The following CFAP77 variants were observed in gnomAD, a reference collection of about 807,000 sequenced individuals.
CFAP77 encodes cilia- and flagella-associated protein 77.
CFAP77 carries 25 observed loss-of-function variants against 31.1 expected under a neutral mutation model. The observed-to-expected ratio is 0.80, with a 90% CI of 0.59 to 1.12. The LOEUF (loss-of-function observed/expected upper bound fraction) is 1.12, where lower values mean the gene tolerates loss of function less well. Ranked by LOEUF, CFAP77 falls within the 50% of genes most tolerant of loss-of-function variation. CFAP77 has a pLI of 0.00. For synonymous variants in CFAP77, 151 were observed against 159.9 expected (o/e 0.94, Z 0.42); for missense variants, 377 against 397.3 (o/e 0.95, Z 0.44).
At chr9:132,459,704 GTA>G (rs1440337768) in intron 1 of CFAP77, among the ~76,000 whole-genome samples, 9 of 151,284 alleles carry the variant, frequency 5.9e-5, no homozygotes, top group Admixed American at 4.6e-4. Context: ...ATGTGTTTGT[GTA>G]TGTGTGTTTA....
chr9:132,489,985 C>T (rs776689057), intron 1 of CFAP77, among the ~76,000 whole-genome samples: 1 of 152,246 alleles, frequency 6.6e-6, no homozygotes, highest in African/African-American at 2.4e-5. Context: ...TGTTTCTCAG[C>T]GTTCTAGGGG....
rs113807669 is a variant in CFAP77 at position 132,455,520 on chromosome 9, A to C, written c.196-43175A>C. Among the ~76,000 whole-genome samples the C allele has an allele frequency of 0.055, 8,320 of 151,372 alleles. 757 individuals are homozygous for C. Among genetic ancestry groups the C allele is most frequent in the African/African-American group, 0.19 (7,628 of 40,988 alleles). On this transcript the variant is annotated intron_variant, in intron 1 of 5. Transcript: ENST00000393216. The surrounding 1 kb of genome is among the most constrained non-coding windows in gnomAD (Gnocchi z 4.1). ...GAGACTCCTGAAAAAAAAAAACAAA[A>C]AAACTTCGAGACCAGCCTGGGCAAC...
intron 1 of CFAP77, among the ~76,000 whole-genome samples, chr9:132,425,755 G>A (rs1850302879): frequency 6.6e-6 from 1 of 152,102 alleles, no homozygotes; most frequent in South Asian, 2.1e-4. Flanking sequence ...TACATGATAT[G>A]GGTACAGATC....
chr9:132,540,264 G>A (rs991074126), intron 4 of CFAP77, among the ~76,000 whole-genome samples: 2 of 152,088 alleles, frequency 1.3e-5, no homozygotes, highest in South Asian at 2.1e-4. Flanking sequence ...GGTATTTCAC[G>A]CATCCCAGAG....
intron 1 of CFAP77, among the ~76,000 whole-genome samples, chr9:132,417,752 T>C (rs1850129981): frequency 6.6e-6 from 1 of 152,254 alleles, no homozygotes; most frequent in African/African-American, 2.4e-5. Flanking sequence ...TTATTTTCCA[T>C]TATCCCGAGT....
At chr9:132,548,883 AAC>A (rs1159805043) in intron 5 of CFAP77, among the ~76,000 whole-genome samples, 1 of 152,206 alleles carries the variant, frequency 6.6e-6, no homozygotes, top group Non-Finnish European at 1.5e-5. Flanking sequence ...CTATTAAGCT[AAC>A]AGTTTGATTT....
chr9:132,415,350 T>C (rs1850077493), intron 1 of CFAP77, among the ~76,000 whole-genome samples: 1 of 151,980 alleles, frequency 6.6e-6, no homozygotes, highest in Non-Finnish European at 1.5e-5. Context: ...TGAGTCGGGC[T>C]GAGGCAGGAA....
chr9:132,536,835 G>A (rs372732802), intron 3 of CFAP77, among the ~76,000 whole-genome samples: 23 of 152,134 alleles, frequency 1.5e-4, no homozygotes, highest in East Asian at 7.7e-4. Flanking sequence ...TCTGCCTTGC[G>A]GTGCTTCCCG....
chr9:132,519,520 GTAGATGGATGGATGGA>G (rs1852217890), intron 3 of CFAP77, among the ~76,000 whole-genome samples: 12 of 64,842 alleles, frequency 1.9e-4, no homozygotes, highest in Middle Eastern at 0.013. Context: ...GGGTGGGTGG[GTAGATGGATGGATGGA>G]TGGGTGGGTA....
In CFAP77 at chr9:132,410,367, G is replaced by C; in HGVS notation, c.96G>C (p.Pro32=). 1 of 1,599,322 alleles carries C rather than the reference G, an allele frequency of 6.3e-7. No homozygotes were observed. The highest frequency in any genetic ancestry group is 8.5e-7 in the Non-Finnish European group (1 of 1,174,342). Residue 32 remains proline, a synonymous_variant, in exon 1 of 6, where the codon CCG becomes CCC. Transcript: ENST00000393216. The part of the protein sequence containing the change: ...RRTVSQVCPP[P]RRPLTVADIR... ...CGGTCAGCCAGGTCTGCCCGCCCCC[G>C]CGGCGGCCCCTGACCGTGGCGGACA... is the stretch of plus-strand genomic sequence containing the variant.
intron 1 of CFAP77, among the ~76,000 whole-genome samples, chr9:132,451,831 G>A (rs1216626192): frequency 1.3e-5 from 2 of 148,814 alleles, no homozygotes; most frequent in African/African-American, 2.5e-5. Flanking sequence ...TCCAGAAGGA[G>A]TCTCACTCTG....
At chr9:132,441,844 A>G (rs1850620373) in intron 1 of CFAP77, among the ~76,000 whole-genome samples, 1 of 152,232 alleles carries the variant, frequency 6.6e-6, no homozygotes, top group Admixed American at 6.5e-5. Context: ...CAGCGTCCAC[A>G]GCCCTGGGCA....
chr9:132,463,587 G>A lies in CFAP77; in HGVS notation c.196-35108G>A, dbSNP rs141246057. On this transcript the variant is annotated intron_variant, in intron 1 of 5. Transcript: ENST00000393216. ...ACAGTAGAGGAGGGAGCCTGGCCCC[G>A]GTGGAAGACCCCCAGTGATACAGCA... 8.4e-3 allele frequency among the ~76,000 whole-genome samples: 1,273 copies of A among 152,248 alleles called. 20 individuals are homozygous for A. The highest frequency in any genetic ancestry group is 0.029 in the African/African-American group (1,198 of 41,538).
At chr9:132,555,584 T>G (rs937515112) in intron 5 of CFAP77, among the ~76,000 whole-genome samples, 2 of 152,096 alleles carry the variant, frequency 1.3e-5, no homozygotes, top group East Asian at 3.9e-4. Context: ...GAGAAAGTAA[T>G]TAAGGAATCC....
chr9:132,448,102 T>C (rs907322771), intron 1 of CFAP77, among the ~76,000 whole-genome samples: 2 of 151,988 alleles, frequency 1.3e-5, no homozygotes, highest in African/African-American at 4.8e-5. Flanking sequence ...TAATTTAGCT[T>C]TTTCGTTTAA....
At chr9:132,522,679 T>C (rs147968917) in intron 3 of CFAP77, among the ~76,000 whole-genome samples, 83 of 152,336 alleles carry the variant, frequency 5.4e-4, no homozygotes, top group African/African-American at 2.0e-3. Flanking sequence ...AAAGGTCAAG[T>C]ACACAGGGAA....
rs1851439092 is a variant in CFAP77, at chr9:132,481,112, C to A, written c.196-17583C>A. On this transcript the variant is annotated intron_variant, in intron 1 of 5. Coordinates refer to ENST00000393216, the MANE Select transcript of CFAP77 (RefSeq NM_001282957.2). This position sits in a 1 kb window ranked among gnomAD's most constrained non-coding sequence, Gnocchi z 5.0. ...TTTAGAGCCCACCTGCTTTGCACAC[C>A]CACAAAGCCACACTCGTGTCTGCCG... 6.6e-6 allele frequency among the ~76,000 whole-genome samples: 1 copy of A among 152,148 alleles called. No homozygotes were observed. The highest frequency in any genetic ancestry group is 2.1e-4 in the South Asian group (1 of 4,834).
Position 132,537,535 on chromosome 9 carries a change from C to T in CFAP77, c.525-66C>T, listed in dbSNP as rs545335308. On this transcript the variant is annotated intron_variant, in intron 3 of 5. Coordinates refer to ENST00000393216, the MANE Select transcript of CFAP77 (RefSeq NM_001282957.2). Reference sequence around the variant, plus strand: ...CGTTTAGGAGGCTCCCGGGGGCGGGCGGTGGGGAGCGGGTGCCTCTGGTCT... The same window carrying T: ...CGTTTAGGAGGCTCCCGGGGGCGGGTGGTGGGGAGCGGGTGCCTCTGGTCT... 2.5e-4 allele frequency: 296 copies of T among 1,186,806 alleles called. 1 individual carries two copies. In the African/African-American group the frequency reaches 4.2e-3, roughly 17 times the overall value. 73.5% of individuals were successfully genotyped at this position (1,186,806 alleles called of 1,614,324 possible).
At chr9:132,448,032 G>A (rs1461702034) in intron 1 of CFAP77, among the ~76,000 whole-genome samples, 2 of 152,206 alleles carry the variant, frequency 1.3e-5, no homozygotes, top group African/African-American at 4.8e-5. Flanking sequence ...GGCTTAATTA[G>A]ATGACAACTT....
Sources: allele counts gnomAD v4.1 joint callset (sites outside exome capture counted in the v4.1 genomes callset), GRCh38; gene constraint gnomAD v4.1.1; non-coding constraint Gnocchi (gnomAD v3.1); transcripts MANE v1.5; gene names NCBI Gene and HGNC (gene_info 2026-07-23, HGNC 2026-07-21).